The following CAPN5 variants were observed in gnomAD, a reference collection of about 807,000 sequenced individuals.
CAPN5 encodes calpain 5, also known as calpain-5.
In CAPN5, 54 loss-of-function variants were observed where a neutral mutation model predicts 73.0. That is an observed-to-expected ratio of 0.74 (90% CI 0.59 to 0.93). The LOEUF (loss-of-function observed/expected upper bound fraction) is 0.93, where lower values mean the gene tolerates loss of function less well. CAPN5 is among the 40% of genes least tolerant of loss of function. The pLI is 0.00. For synonymous variants in CAPN5, 335 were observed against 356.9 expected, an observed-to-expected ratio of 0.94 and a Z score of 0.69; for missense variants, 785 against 882.9, an observed-to-expected ratio of 0.89 and a Z score of 1.41.
At chr11:77,080,577 G>T (rs1950017762) in intron 1 of CAPN5, among the ~76,000 whole-genome samples, 1 of 152,190 alleles carries the variant, frequency 6.6e-6, no homozygotes, top group Non-Finnish European at 1.5e-5. Context: ...CCCGCTGGAA[G>T]ATGAGGCCTT....
chr11:77,098,117 C>T (rs1203464092), intron 3 of CAPN5, among the ~76,000 whole-genome samples: 16 of 73,418 alleles, frequency 2.2e-4, no homozygotes, highest in South Asian at 1.2e-3. Context: ...CCCCACCTCC[C>T]TCCCGGACGG....
At chr11:77,092,640 C>T (rs944881090) in intron 2 of CAPN5, among the ~76,000 whole-genome samples, 1 of 152,266 alleles carries the variant, frequency 6.6e-6, no homozygotes, top group Non-Finnish European at 1.5e-5. Context: ...GGCTGCGTCT[C>T]ATGGAGCAGC....
Position 77,115,448 on chromosome 11 carries a change from C to T in CAPN5, c.753C>T (p.Gly251=). 1.2e-6 allele frequency: 2 copies of T among 1,612,066 alleles called. No homozygotes were observed. Among genetic ancestry groups the T allele is most frequent in the South Asian group, 2.2e-5 (2 of 91,014 alleles). Residue 251 remains glycine, a synonymous_variant, in exon 6 of 13, where the codon GGC becomes GGT. Coordinates refer to ENST00000648180, the MANE Select transcript of CAPN5 (RefSeq NM_004055.5). Reference sequence around the variant, plus strand: ...GCCTGGCGTGCGGCCTGGTAAAGGGCCACGCATACGCCGTCACTGATGTGC... The same window carrying T: ...GCCTGGCGTGCGGCCTGGTAAAGGGTCACGCATACGCCGTCACTGATGTGC... ...EARLACGLVK[G]HAYAVTDVRK...
intron 1 of CAPN5, among the ~76,000 whole-genome samples, chr11:77,069,443 G>C (rs1321182346): frequency 6.6e-6 from 1 of 152,158 alleles, no homozygotes; most frequent in Non-Finnish European, 1.5e-5. Context: ...CTTGGCTTTA[G>C]TGGGTGAAGG....
intron 1 of CAPN5, among the ~76,000 whole-genome samples, chr11:77,070,324 C>T (rs1048011787): frequency 1.3e-5 from 2 of 152,178 alleles, no homozygotes; most frequent in South Asian, 2.1e-4. Flanking sequence ...GATGTGCCCC[C>T]GGGGATGGTG....
chr11:77,120,724 C>A lies in CAPN5; in HGVS notation c.1302C>A (p.Asn434Lys), dbSNP rs368842036. ...CCCGCCTCCTGCAGGTGGAGGAGAA[C>A]CGCCAGTACCGCATGCACAGCCTGC... ...IGFDIYKVEENRQYRMHSLQH... is the reference protein window; with the variant it reads ...IGFDIYKVEEKRQYRMHSLQH... Residue 434 changes from asparagine to lysine, a missense_variant, in exon 10 of 13, where the codon AAC becomes AAA. Asn to Lys is a moderately conservative substitution (Grantham distance 94). Transcript: ENST00000648180. 2 of 1,606,570 alleles carry A rather than the reference C, an allele frequency of 1.2e-6. No homozygotes were observed. Among genetic ancestry groups the A allele is most frequent in the East Asian group, 4.5e-5 (2 of 44,716 alleles).
chr11:77,122,385 G>C (rs1555042975), intron 11 of CAPN5, among the ~76,000 whole-genome samples, 191 bp from the exon 12 acceptor site: 1 of 152,178 alleles, frequency 6.6e-6, no homozygotes, highest in Admixed American at 6.5e-5. Context: ...TAAAGCTCTG[G>C]AGGCTGGAGA....
At chr11:77,070,606 A>G (rs1949893132) in intron 1 of CAPN5, among the ~76,000 whole-genome samples, 1 of 152,186 alleles carries the variant, frequency 6.6e-6, no homozygotes, top group African/African-American at 2.4e-5. Flanking sequence ...CCCATTAGCT[A>G]TTCTTCAGGA....
chr11:77,079,845 G>C (rs191396100), intron 1 of CAPN5, among the ~76,000 whole-genome samples: 3 of 151,794 alleles, frequency 2.0e-5, no homozygotes, highest in Admixed American at 2.0e-4. Context: ...AGTCATTCTA[G>C]TGGGGGTATA....
At chr11:77,089,895 A>G (rs1208460302) in intron 2 of CAPN5, among the ~76,000 whole-genome samples, 1 of 152,126 alleles carries the variant, frequency 6.6e-6, no homozygotes, top group Non-Finnish European at 1.5e-5. Flanking sequence ...ACAAAAACAA[A>G]CAAACAAACA....
intron 3 of CAPN5, among the ~76,000 whole-genome samples, chr11:77,109,505 C>T (rs189041083): frequency 3.9e-5 from 6 of 152,274 alleles, no homozygotes; most frequent in Admixed American, 2.6e-4. Flanking sequence ...TGTTTTTGCC[C>T]TTATTGATGC....
chr11:77,119,442 T>C, intron 9 of CAPN5: 1 of 405,440 alleles, frequency 2.5e-6, no homozygotes, highest in Non-Finnish European at 4.6e-6. Context: ...TTACTGGTGG[T>C]TGGGGCCGGG....
rs782492041 is a variant in CAPN5, at chr11:77,114,327, G to A, written c.592G>A (p.Asp198Asn). 9.3e-6 allele frequency: 15 copies of A among 1,614,152 alleles called. No homozygotes were observed. Among genetic ancestry groups the A allele is most frequent in the East Asian group, 6.7e-5 (3 of 44,880 alleles). Residue 198 changes from aspartate to asparagine, a missense_variant, in exon 5 of 13, where the codon GAC becomes AAC. Coordinates refer to ENST00000648180, the MANE Select transcript of CAPN5 (RefSeq NM_004055.5). ...CACGGGTGGTGTTTCTGAGCCCATC[G>A]ACCTGACCGAGGGTGACTTTGCCAA... ...DFTGGVSEPI[D>N]LTEGDFANDE...
At chr11:77,098,326 G>C (rs1175395408) in intron 3 of CAPN5, among the ~76,000 whole-genome samples, 1 of 103,262 alleles carries the variant, frequency 9.7e-6, no homozygotes, top group Non-Finnish European at 2.1e-5. Context: ...CGGGCGGGGG[G>C]CTGACCCCCC....
intron 9 of CAPN5, chr11:77,120,107 G>A (rs1950507704): frequency 6.6e-6 from 1 of 152,236 alleles, no homozygotes; most frequent in African/African-American, 2.4e-5. Flanking sequence ...GAGGGCAGTG[G>A]TGCTGTCATA....
chr11:77,093,636 C>T (rs372196473), intron 2 of CAPN5, 46 bp from the exon 3 acceptor site: 30 of 1,524,712 alleles, frequency 2.0e-5, no homozygotes, highest in Admixed American at 5.9e-5. Flanking sequence ...GGGGGGCATC[C>T]GCATGCTCCT....
chr11:77,086,528 T>C (rs1398854609), intron 2 of CAPN5, among the ~76,000 whole-genome samples: 2 of 152,210 alleles, frequency 1.3e-5, no homozygotes, highest in East Asian at 3.9e-4. Flanking sequence ...CTGTACTGAC[T>C]CTCTGGAAGG....
At chr11:77,106,614 C>T (rs556732693) in intron 3 of CAPN5, among the ~76,000 whole-genome samples, 1 of 152,354 alleles carries the variant, frequency 6.6e-6, no homozygotes, top group East Asian at 1.9e-4. Flanking sequence ...TCTCTCGAGG[C>T]TGTTGTGAGG....
Position 77,114,399 on chromosome 11 carries a change from C to T in CAPN5, c.664C>T (p.His222Tyr). The T allele has an allele frequency of 1.2e-6, 2 of 1,614,210 alleles. No individual in the cohort carries two copies. Among genetic ancestry groups the T allele is most frequent in the Non-Finnish European group, 1.7e-6 (2 of 1,180,032 alleles). Residue 222 changes from histidine to tyrosine, a missense_variant, in exon 5 of 13, where the codon CAC (histidine) becomes TAC (tyrosine). Physicochemically the swap from His to Tyr is moderately conservative, Grantham distance 83 (BLOSUM62 2). Transcript: ENST00000648180. ...GCTCTTTGAGCGCATGTTAAAGGTG[C>T]ACAGCCGGGGCGGCCTCATCAGTGC... ...NQLFERMLKV[H>Y]SRGGLISASI...
Sources: allele counts gnomAD v4.1 joint callset (sites outside exome capture counted in the v4.1 genomes callset), GRCh38; gene constraint gnomAD v4.1.1; transcripts MANE v1.5; gene names NCBI Gene and HGNC (gene_info 2026-07-23, HGNC 2026-07-21).